ZNF420: variants seen among roughly 807,000 people sequenced by gnomAD.
The protein encoded by ZNF420 is ATM and p53-associated KZNF protein.
Under a neutral mutation model 44.7 loss-of-function variants are expected in ZNF420, and 31 were observed. The ratio of observed to expected loss-of-function variants is 0.69; its 90% CI spans 0.52 to 0.94. The LOEUF is 0.94. Among genes scored for constraint, ZNF420 ranks in the 40% least tolerant of loss-of-function variants. ZNF420 has a pLI of 0.00. For missense variants in ZNF420, 681 were observed against 827.9 expected, an observed-to-expected ratio of 0.82 and a Z score of 2.18; for synonymous variants, 245 against 267.4, an observed-to-expected ratio of 0.92 and a Z score of 0.82.
chr19:37,016,332 G>A (rs703536), intron 1 of ZNF420, among the ~76,000 whole-genome samples: 3,677 of 152,324 alleles, frequency 0.024, 161 homozygotes, highest in African/African-American at 0.083. Flanking sequence ...GAGCAAAAGG[G>A]ACTGGCAGTT....
At chr19:37,044,369 C>A (rs919845505) in intron 1 of ZNF420, among the ~76,000 whole-genome samples, 33 of 151,744 alleles carry the variant, frequency 2.2e-4, no homozygotes, top group African/African-American at 8.0e-4. Flanking sequence ...CAAACAAAAC[C>A]GAGGATCGGT....
At position 37,081,700 on chromosome 19, in the gene ZNF420, AT is replaced by A. The variant is rs35066350; in HGVS notation, c.-81+1337del. Among the ~76,000 whole-genome samples the A allele has an allele frequency of 9.4e-3, 626 of 66,890 alleles. 1 individual carries two copies. Among genetic ancestry groups the A allele is most frequent in the South Asian group, 0.022 (41 of 1,902 alleles). The allele number at this position is 66,890 out of a possible 152,430, so 43.9% of individuals were successfully genotyped here. On this transcript the variant is annotated intron_variant, in intron 2 of 4. Coordinates refer to ENST00000337995, the MANE Select transcript of ZNF420 (RefSeq NM_144689.5). ...ACGACCATGCCCAGCTAATTTTTGT[AT>A]TTTTTTTTTTTTTTTTTTTTTTTTA...
chr19:37,042,086 G>A (rs941642229), intron 1 of ZNF420, among the ~76,000 whole-genome samples: 3 of 152,076 alleles, frequency 2.0e-5, no homozygotes, highest in Non-Finnish European at 4.4e-5. Context: ...TGCAACTTCC[G>A]CCTCCCCAGT....
intron 1 of ZNF420, among the ~76,000 whole-genome samples, chr19:37,015,567 G>A (rs1568419210): frequency 6.6e-6 from 1 of 152,112 alleles, no homozygotes; most frequent in East Asian, 1.9e-4. Flanking sequence ...GTTCCATTCC[G>A]GGTCAAAAAG....
At chr19:37,029,438 G>A (rs1457463397) in intron 1 of ZNF420, among the ~76,000 whole-genome samples, 2 of 152,056 alleles carry the variant, frequency 1.3e-5, no homozygotes, top group Non-Finnish European at 2.9e-5. Flanking sequence ...AAAATGTTAA[G>A]TAACCTTTTC....
chr19:37,014,051 G>A (rs826323), intron 1 of ZNF420, among the ~76,000 whole-genome samples: 55,446 of 152,110 alleles, frequency 0.36, 10,522 homozygotes, highest in African/African-American at 0.45. Context: ...GAGAGGGCCT[G>A]TGCCGGAGAA....
chr19:37,061,314 A>T (rs1197202538), intron 1 of ZNF420, among the ~76,000 whole-genome samples: 1 of 152,212 alleles, frequency 6.6e-6, no homozygotes, highest in African/African-American at 2.4e-5. Context: ...GACATGTAAA[A>T]TTCATGTCTT....
chr19:37,035,383 G>A lies in ZNF420; in HGVS notation c.-125+27301G>A, dbSNP rs183019150. ...ATATTTTTTTTCCATTTTAAAAATT[G>A]AGATGGGATCTTCCTATGTTGCCCA... On this transcript the variant is annotated intron_variant, in intron 1 of 4. Transcript: ENST00000587029. Among the ~76,000 whole-genome samples, 7 of 152,166 alleles carry A rather than the reference G, an allele frequency of 4.6e-5. No homozygotes were observed. The East Asian group carries it at 1.4e-3, about 29-fold the overall frequency.
intron 1 of ZNF420, among the ~76,000 whole-genome samples, chr19:37,066,452 C>T (rs1341954024): frequency 6.6e-6 from 1 of 151,356 alleles, no homozygotes; most frequent in Non-Finnish European, 1.5e-5. Context: ...AAAAGAACTT[C>T]TATAACTCAA....
At chr19:37,077,156 G>C (rs1599635888), upstream of ZNF420, among the ~76,000 whole-genome samples, 1 of 152,172 alleles carries the variant, frequency 6.6e-6, no homozygotes, top group South Asian at 2.1e-4. Context: ...AGGTCTTGAA[G>C]TAAGTAAAAA....
chr19:37,021,851 C>T (rs192793799), intron 1 of ZNF420, among the ~76,000 whole-genome samples: 8 of 145,644 alleles, frequency 5.5e-5, no homozygotes, highest in Admixed American at 2.8e-4. Context: ...GCAGGAGAAT[C>T]GCTTGAACCC....
At chr19:37,027,931 G>A (rs1358495653) in intron 1 of ZNF420, among the ~76,000 whole-genome samples, 1 of 152,136 alleles carries the variant, frequency 6.6e-6, no homozygotes, top group East Asian at 1.9e-4. Flanking sequence ...CAACTTATTT[G>A]GGTATGTAAC....
intron 4 of ZNF420, among the ~76,000 whole-genome samples, chr19:37,116,761 T>C (rs1970714057): frequency 6.6e-6 from 1 of 152,184 alleles, no homozygotes; most frequent in Non-Finnish European, 1.5e-5. Flanking sequence ...ACCCTAATAC[T>C]GCGCTTTTCC....
At chr19:37,050,680 T>C (rs1967622585) in intron 1 of ZNF420, among the ~76,000 whole-genome samples, 1 of 152,210 alleles carries the variant, frequency 6.6e-6, no homozygotes, top group Admixed American at 6.5e-5. Flanking sequence ...TTTGATTTCC[T>C]CTTTTCCTAA....
chr19:37,008,095 A>G (rs2074542031), intron 1 of ZNF420: 1 of 271,490 alleles, frequency 3.7e-6, no homozygotes, highest in East Asian at 1.2e-4. Context: ...GAGTCTCCCC[A>G]AAAGTCGTGC....
chr19:37,108,977 T>C (rs1202690930), intron 4 of ZNF420, among the ~76,000 whole-genome samples: 1 of 152,222 alleles, frequency 6.6e-6, no homozygotes, highest in Non-Finnish European at 1.5e-5. Flanking sequence ...GGGGCAAGGT[T>C]TCCCTTTAGG....
At chr19:37,068,521 T>C (rs1555752822) in intron 1 of ZNF420, among the ~76,000 whole-genome samples, 1 of 152,044 alleles carries the variant, frequency 6.6e-6, no homozygotes, top group Non-Finnish European at 1.5e-5. Flanking sequence ...ACTCCTGTAA[T>C]CCCAGCTACT....
At chr19:37,044,034 T>C (rs551854484) in intron 1 of ZNF420, among the ~76,000 whole-genome samples, 1 of 152,290 alleles carries the variant, frequency 6.6e-6, no homozygotes, top group South Asian at 2.1e-4. Context: ...ATAGTCCCAG[T>C]TTTAAATTTT....
chr19:37,129,953 G>C lies in ZNF420; in HGVS notation c.*895G>C, dbSNP rs184067989. ...ACTATTTTGCAATGAAAAATGATGA[G>C]AGTTTGTGATACAGACTGCTTTTTT... On this transcript the variant is annotated 3_prime_UTR_variant, in exon 5 of 5. Coordinates refer to ENST00000337995, the MANE Select transcript of ZNF420 (RefSeq NM_144689.5). 100 of 1,399,508 alleles carry C rather than the reference G, an allele frequency of 7.1e-5. No individual in the cohort carries two copies. The highest frequency in any genetic ancestry group is 9.1e-5 in the Non-Finnish European group (97 of 1,070,186). The allele number at this position is 1,399,508 out of a possible 1,614,324, so 86.7% of individuals were successfully genotyped here.
Sources: allele counts gnomAD v4.1 joint callset (sites outside exome capture counted in the v4.1 genomes callset), GRCh38; gene constraint gnomAD v4.1.1; transcripts MANE v1.5; gene names NCBI Gene and HGNC (gene_info 2026-07-23, HGNC 2026-07-21).